The following CCAR1 variants were observed in gnomAD, a reference collection of about 807,000 sequenced individuals.
The protein encoded by CCAR1 is cell division cycle and apoptosis regulator 1, also known as cell division cycle and apoptosis regulator protein 1.
Under a neutral mutation model 163.8 loss-of-function variants are expected in CCAR1, and 78 were observed. The ratio of observed to expected loss-of-function variants is 0.48; its 90% CI spans 0.40 to 0.57. The LOEUF is 0.57. CCAR1 is among the 20% of genes least tolerant of loss of function. CCAR1 has a pLI of 0.00. For synonymous variants in CCAR1, 443 were observed against 460.7 expected, an observed-to-expected ratio of 0.96 and a Z score of 0.49; for missense variants, 1,019 against 1,365.2, an observed-to-expected ratio of 0.75 and a Z score of 4.00.
At chr10:68,728,803 A>C (rs2055987677) in intron 2 of CCAR1, among the ~76,000 whole-genome samples, 1 of 152,052 alleles carries the variant, frequency 6.6e-6, no homozygotes, top group Non-Finnish European at 1.5e-5. Context: ...AAAAATACAA[A>C]AATAAGCTGG....
intron 19 of CCAR1, among the ~76,000 whole-genome samples, chr10:68,773,420 T>A (rs927165587): frequency 6.6e-6 from 1 of 152,168 alleles, no homozygotes; most frequent in African/African-American, 2.4e-5. Flanking sequence ...CCCAGCACTT[T>A]GGGAGGCCAA....
At chr10:68,734,897 G>A (rs1451070325) in intron 2 of CCAR1, among the ~76,000 whole-genome samples, 1 of 152,154 alleles carries the variant, frequency 6.6e-6, no homozygotes, top group Non-Finnish European at 1.5e-5. Flanking sequence ...TCTCCTCAGT[G>A]TGTAGCTATC....
Position 68,791,522 on chromosome 10 carries a change from G to A in CCAR1, c.*256G>A, listed in dbSNP as rs1212728663. ...GTGTTTTAGGATGAACTTTGTTATAGTTTTAACTCCAATAAAGTTCATCAG... is the reference window on the plus strand; with the variant it reads ...GTGTTTTAGGATGAACTTTGTTATAATTTTAACTCCAATAAAGTTCATCAG... On this transcript the variant is annotated 3_prime_UTR_variant, in exon 25 of 25. Transcript: ENST00000265872. 1 of 238,732 alleles carries A rather than the reference G, an allele frequency of 4.2e-6. No individual in the cohort carries two copies. Among genetic ancestry groups the A allele is most frequent in the Non-Finnish European group, 8.2e-6 (1 of 122,206 alleles). 14.8% of individuals were successfully genotyped at this position (238,732 alleles called of 1,614,324 possible). A position where few individuals can be genotyped will look rare whatever the true frequency, so the allele number is the denominator to read the frequency against.
intron 2 of CCAR1, among the ~76,000 whole-genome samples, chr10:68,730,839 C>T (rs769370330): frequency 1.6e-4 from 24 of 151,964 alleles, no homozygotes; most frequent in Non-Finnish European, 3.4e-4. Flanking sequence ...TACAGGTGTG[C>T]GTCACCATGT....
At chr10:68,776,340 G>A (rs888493872) in intron 19 of CCAR1, among the ~76,000 whole-genome samples, 3 of 151,530 alleles carry the variant, frequency 2.0e-5, no homozygotes, top group Non-Finnish European at 4.4e-5. Context: ...AAGGTGGGTG[G>A]ATCACCTGAG....
In CCAR1 at chr10:68,749,203, A is replaced by C. The variant is rs765793052; in HGVS notation, c.894A>C (p.Pro298=). 6.2e-7 allele frequency: 1 copy of C among 1,613,404 alleles called. No homozygotes were observed. The highest frequency in any genetic ancestry group is 8.5e-7 in the Non-Finnish European group (1 of 1,179,818). Reference sequence around the variant, plus strand: ...AACCGGCACGACGATTAGATCCCCCATCCCGATTTTCAGGAAGAAATGACA... The same window carrying C: ...AACCGGCACGACGATTAGATCCCCCCTCCCGATTTTCAGGAAGAAATGACA... The part of the protein sequence containing the change: ...QPQPARRLDP[P]SRFSGRNDRG... Residue 298 remains proline, a synonymous_variant, in exon 9 of 25, where the codon CCA becomes CCC. Coordinates refer to ENST00000265872, the MANE Select transcript of CCAR1 (RefSeq NM_018237.4).
intron 10 of CCAR1, among the ~76,000 whole-genome samples, chr10:68,752,009 C>T (rs1474200826): frequency 2.0e-5 from 3 of 149,612 alleles, no homozygotes; most frequent in Non-Finnish European, 4.5e-5. Flanking sequence ...CTTTGCCTCC[C>T]GGGTTCACGC....
chr10:68,723,895 G>C (rs931425231), intron 2 of CCAR1, among the ~76,000 whole-genome samples: 3 of 148,544 alleles, frequency 2.0e-5, no homozygotes, highest in South Asian at 2.1e-4. Context: ...GCGGTGGCTT[G>C]TGCCTGTAAT....
At chr10:68,769,793 T>C (rs1272831656) in intron 17 of CCAR1, among the ~76,000 whole-genome samples, 2 of 149,640 alleles carry the variant, frequency 1.3e-5, no homozygotes, top group African/African-American at 4.9e-5. Flanking sequence ...TAAAAAAAAT[T>C]AGCCAGGCGT....
chr10:68,771,850 A>T (rs1196907360), intron 18 of CCAR1, among the ~76,000 whole-genome samples: 2 of 151,812 alleles, frequency 1.3e-5, no homozygotes, highest in Admixed American at 6.6e-5. Context: ...TAGTTTTCTA[A>T]TACTTTATTC....
chr10:68,759,527 A>G (rs1002541957), intron 15 of CCAR1: 2 of 152,570 alleles, frequency 1.3e-5, no homozygotes, highest in Non-Finnish European at 2.9e-5. Flanking sequence ...CAGTAGTTCA[A>G]GATCAGCCCT....
At chr10:68,758,907 A>G (rs976054030) in intron 15 of CCAR1, among the ~76,000 whole-genome samples, 4 of 151,786 alleles carry the variant, frequency 2.6e-5, no homozygotes, top group African/African-American at 4.8e-5. Context: ...CCTGACCTCA[A>G]TTGATCCACC....
intron 18 of CCAR1, among the ~76,000 whole-genome samples, 153 bp downstream of exon 18, chr10:68,771,598 A>C (rs1026580002): frequency 6.6e-6 from 1 of 152,116 alleles, no homozygotes; most frequent in African/African-American, 2.4e-5. Flanking sequence ...CACAGCTAAC[A>C]CAGTGAAACC....
At chr10:68,738,638 A>G (rs2056144204) in intron 4 of CCAR1, among the ~76,000 whole-genome samples, 1 of 151,762 alleles carries the variant, frequency 6.6e-6, no homozygotes, top group African/African-American at 2.4e-5. Context: ...TTTTTGTTAC[A>G]TTAACTAACA....
chr10:68,786,664 C>T lies in CCAR1; in HGVS notation c.2852C>T (p.Thr951Ile), dbSNP rs1428467492. ...LEKDLEEILY[T>I]LGLHLSRAQV... ...AAGGATTTGGAAGAAATACTTTATA[C>T]TCTTGGACTACATCTTTCTCGGGCT... Residue 951 changes from threonine (T) to isoleucine (I), a missense_variant, in exon 21 of 25, where the codon ACT becomes ATT. Around this residue, in one of 4 missense-constraint regions of CCAR1, gnomAD observed 358 missense variants for 406.4 expected, o/e 0.88. Transcript: ENST00000265872. 1 of 1,598,258 alleles carries T rather than the reference C, an allele frequency of 6.3e-7. No homozygotes were observed. Among genetic ancestry groups the T allele is most frequent in the East Asian group, 2.2e-5 (1 of 44,608 alleles).
At chr10:68,733,876 C>G (rs1167904793) in intron 2 of CCAR1, among the ~76,000 whole-genome samples, 1 of 152,018 alleles carries the variant, frequency 6.6e-6, no homozygotes, top group East Asian at 1.9e-4. Flanking sequence ...GTTGGCCATG[C>G]TGGTCTCAAA....
intron 2 of CCAR1, among the ~76,000 whole-genome samples, chr10:68,730,842 C>T (rs1469048647): frequency 3.3e-5 from 5 of 152,160 alleles, no homozygotes; most frequent in African/African-American, 1.2e-4. Flanking sequence ...AGGTGTGCGT[C>T]ACCATGTACT....
intron 24 of CCAR1, among the ~76,000 whole-genome samples, chr10:68,790,499 C>A (rs1027208159): frequency 1.3e-5 from 2 of 150,900 alleles, no homozygotes; most frequent in African/African-American, 2.4e-5. Flanking sequence ...TGAATTAAAC[C>A]ATTCACTTCA....
intron 5 of CCAR1, 80 bp downstream of exon 5, chr10:68,740,741 T>G (rs1486837656): frequency 5.2e-6 from 6 of 1,163,454 alleles, no homozygotes; most frequent in Non-Finnish European, 6.2e-6. Context: ...TACTTTTTCT[T>G]TCAGGGTTTA....
Sources: gnomAD v4.1 joint callset for allele counts (sites outside exome capture counted in the v4.1 genomes callset) on GRCh38, gnomAD v4.1.1 for gene constraint, gnomAD v4.1.1 regional missense constraint, MANE v1.5 for transcripts, NCBI Gene and HGNC (gene_info 2026-07-23, HGNC 2026-07-21) for gene names.